Variants in PTPN14 observed in about 807,000 individuals in gnomAD.
The protein encoded by PTPN14 is protein tyrosine phosphatase non-receptor type 14, also known as tyrosine-protein phosphatase non-receptor type 14.
Under a neutral mutation model 126.8 loss-of-function variants are expected in PTPN14, and 53 were observed. The ratio of observed to expected loss-of-function variants is 0.42; its 90% confidence interval spans 0.34 to 0.53. PTPN14 has a LOEUF of 0.53. PTPN14 is among the 20% of genes least tolerant of loss of function. The pLI, the probability that PTPN14 is intolerant of heterozygous loss-of-function variation, is 0.08. For synonymous variants in PTPN14, 630 were observed against 599.3 expected, an observed-to-expected ratio of 1.05 and a Z score of -0.75; for missense variants, 1,257 against 1,552.9, an observed-to-expected ratio of 0.81 and a Z score of 3.20.
chr1:214,369,350 C>T, intron 17 of PTPN14, 107 bp downstream of exon 17: 1 of 1,021,420 alleles, frequency 9.8e-7, no homozygotes, highest in South Asian at 1.5e-5. Context: ...ATACTTTTGC[C>T]ACTTAAGAGA....
At chr1:214,360,490 T>C (rs1657931330) in intron 18 of PTPN14, among the ~76,000 whole-genome samples, 1 of 152,212 alleles carries the variant, frequency 6.6e-6, no homozygotes, top group Admixed American at 6.5e-5. Flanking sequence ...TAAATTATAT[T>C]GCAAAGTGAC....
intron 1 of PTPN14, among the ~76,000 whole-genome samples, chr1:214,533,651 G>A (rs1287647316): frequency 6.6e-6 from 1 of 151,966 alleles, no homozygotes; most frequent in Non-Finnish European, 1.5e-5. Flanking sequence ...CTAACACGGT[G>A]AAACCCCATC....
chr1:214,531,722 T>C (rs1014059316), intron 1 of PTPN14: 3 of 152,082 alleles, frequency 2.0e-5, no homozygotes, highest in African/African-American at 7.2e-5. Context: ...CAAAGACAAG[T>C]GTAACAGCAG....
rs145823868 is a variant in PTPN14 at position 214,438,142 on chromosome 1, C to T, written c.344+13663G>A. 4.2e-3 allele frequency among the ~76,000 whole-genome samples: 636 copies of T among 152,324 alleles called. 2 individuals are homozygous for T. Among genetic ancestry groups the T allele is most frequent in the African/African-American group, 0.015 (620 of 41,576 alleles). On this transcript the variant is annotated intron_variant, in intron 3 of 18. Transcript: ENST00000366956. ...GGAATCTGTTTATCTTTTCAGACTA[C>T]AGTCTCTTCAAGTTACAAGTACTGT... is the stretch of plus-strand genomic sequence containing the variant.
chr1:214,532,671 CT>C, intron 1 of PTPN14: 1 of 839,674 alleles, frequency 1.2e-6, no homozygotes. Context: ...CTGCTGATGA[CT>C]TTAGAGTCAA....
chr1:214,416,286 A>G (rs1244284991), intron 3 of PTPN14, among the ~76,000 whole-genome samples: 2 of 152,240 alleles, frequency 1.3e-5, no homozygotes, highest in African/African-American at 2.4e-5. Context: ...AAAACATCTG[A>G]AAAGGTGTTA....
intron 1 of PTPN14, among the ~76,000 whole-genome samples, chr1:214,496,240 C>T (rs4539105): frequency 0.91 from 137,983 of 152,136 alleles, 62,657 homozygotes; most frequent in African/African-American, 0.95. Flanking sequence ...GAGAGAGGTA[C>T]CCAAGAGGAA....
chr1:214,417,614 C>A (rs1394470130), intron 3 of PTPN14, among the ~76,000 whole-genome samples: 1 of 152,178 alleles, frequency 6.6e-6, no homozygotes, highest in Non-Finnish European at 1.5e-5. Flanking sequence ...TTGCTAAGAT[C>A]TTCATGCTCT....
At chr1:214,358,224 G>A (rs1009142831) in intron 18 of PTPN14, among the ~76,000 whole-genome samples, 174 bp from the exon 19 acceptor site, 1 of 152,134 alleles carries the variant, frequency 6.6e-6, no homozygotes, top group Non-Finnish European at 1.5e-5. Flanking sequence ...TCAGCAACTG[G>A]AGAACCTGGT....
Position 214,402,948 on chromosome 1 carries a change from C to T in PTPN14, c.516G>A (p.Leu172=). Residue 172 remains leucine, a synonymous_variant, in exon 6 of 19, where the codon TTG becomes TTA. Transcript: ENST00000366956. ...CCTCCAGAACAGCCTCTTCCAGGGC[C>T]AAATCCTATAAGAATAGAAAGTGCT... is the stretch of plus-strand genomic sequence containing the variant. The part of the protein sequence containing the change: ...LREYVLFPMD[L]ALEEAVLEEL... The T allele has an allele frequency of 1.2e-6, 2 of 1,613,930 alleles. No individual in the cohort carries two copies. Among genetic ancestry groups the T allele is most frequent in the Non-Finnish European group, 1.7e-6 (2 of 1,179,922 alleles).
At chr1:214,417,388 C>T (rs1265537684) in intron 3 of PTPN14, among the ~76,000 whole-genome samples, 2 of 152,094 alleles carry the variant, frequency 1.3e-5, no homozygotes, top group Non-Finnish European at 2.9e-5. Context: ...ATGACCTAGT[C>T]TCTGGGGGCC....
At chr1:214,446,878 G>A (rs765859149) in intron 3 of PTPN14, among the ~76,000 whole-genome samples, 4 of 152,190 alleles carry the variant, frequency 2.6e-5, no homozygotes, top group Non-Finnish European at 5.9e-5. Context: ...TGTGTTGGAT[G>A]AAAACAAGTT....
At position 214,408,418 on chromosome 1, in the gene PTPN14, C is replaced by T. The variant is rs559477218; in HGVS notation, c.510+3266G>A. 6.1e-4 allele frequency among the ~76,000 whole-genome samples: 93 copies of T among 152,296 alleles called. 3 individuals carry two copies. Among genetic ancestry groups the T allele is most frequent in the African/African-American group, 2.0e-3 (85 of 41,568 alleles). ...ACTCTTCTCTTTTACTCTGAAGCTA[C>T]CCACCAACCAACCAACAAACCAACC... is the stretch of plus-strand genomic sequence containing the variant. On this transcript the variant is annotated intron_variant, in intron 5 of 18. Transcript: ENST00000366956.
chr1:214,458,194 C>T lies in PTPN14; in HGVS notation c.175-6220G>A, dbSNP rs574125548. On this transcript the variant is annotated intron_variant, in intron 2 of 18. Transcript: ENST00000366956. ...ACTCCCAAGTAGCTGGGACTACAGG[C>T]ATGCATCACCATGCCTGGCTAATTT... Among the ~76,000 whole-genome samples, 4 of 152,216 alleles carry T rather than the reference C, an allele frequency of 2.6e-5. No homozygotes were observed. The East Asian group carries it at 7.7e-4, about 29-fold the overall frequency.
chr1:214,424,786 C>T (rs532380465), intron 3 of PTPN14, among the ~76,000 whole-genome samples: 5 of 152,216 alleles, frequency 3.3e-5, no homozygotes, highest in East Asian at 1.9e-4. Flanking sequence ...TGACCTCAGA[C>T]GATCTCCATG....
chr1:214,394,017 G>C (rs1453532013), intron 9 of PTPN14, among the ~76,000 whole-genome samples: 2 of 152,156 alleles, frequency 1.3e-5, no homozygotes, highest in Non-Finnish European at 2.9e-5. Flanking sequence ...CAAAGTGCTG[G>C]GGTTACACTG....
intron 1 of PTPN14, among the ~76,000 whole-genome samples, chr1:214,480,624 C>T (rs1465346413): frequency 6.6e-6 from 1 of 152,314 alleles, no homozygotes; most frequent in African/African-American, 2.4e-5. Flanking sequence ...AATCCTATCT[C>T]TCAATAGCTA....
chr1:214,473,977 A>G (rs891797496), intron 1 of PTPN14, among the ~76,000 whole-genome samples: 2 of 152,218 alleles, frequency 1.3e-5, no homozygotes, highest in African/African-American at 2.4e-5. Flanking sequence ...AATAACATCA[A>G]CAACAAAAAC....
intron 1 of PTPN14, among the ~76,000 whole-genome samples, chr1:214,545,156 T>C (rs1005096993): frequency 6.6e-6 from 1 of 152,118 alleles, no homozygotes; most frequent in Non-Finnish European, 1.5e-5. Flanking sequence ...AAAAGTAAAA[T>C]CTTCAAAAAT....
Sources: gnomAD v4.1 joint callset for allele counts (sites outside exome capture counted in the v4.1 genomes callset) on GRCh38, gnomAD v4.1.1 for gene constraint, MANE v1.5 for transcripts, NCBI Gene and HGNC (gene_info 2026-07-23, HGNC 2026-07-21) for gene names.